Variants in TENM3 observed in about 807,000 individuals in gnomAD.
TENM3 encodes teneurin-3.
TENM3 carries 63 observed loss-of-function variants against 255.1 expected under a neutral mutation model. The ratio of observed to expected loss-of-function variants is 0.25; its 90% CI spans 0.20 to 0.30. The LOEUF (loss-of-function observed/expected upper bound fraction) is 0.30, where lower values mean the gene tolerates loss of function less well. TENM3 is among the 10% of genes least tolerant of loss of function. TENM3 has a pLI of 1.00. For missense variants in TENM3, 2,929 were observed against 3,461.1 expected, an observed-to-expected ratio of 0.85 and a Z score of 3.86; for synonymous variants, 1,306 against 1,322.3, an observed-to-expected ratio of 0.99 and a Z score of 0.27.
chr4:182,474,992 A>G (rs898331563), intron 3 of TENM3, among the ~76,000 whole-genome samples: 1 of 152,136 alleles, frequency 6.6e-6, no homozygotes, highest in African/African-American at 2.4e-5. Flanking sequence ...CAGCTCTTCA[A>G]AAGAGTTGAT....
the TENM3 span, among the ~76,000 whole-genome samples, chr4:181,470,116 A>AAAAC: frequency 7.1e-5 from 9 of 126,244 alleles, no homozygotes; most frequent in Non-Finnish European, 1.4e-4. Context: ...TGTAAAAAAA[A>AAAAC]AAAAAAAAAC....
chr4:181,555,208 T>C, the TENM3 span, among the ~76,000 whole-genome samples: 1 of 152,318 alleles, frequency 6.6e-6, no homozygotes, highest in East Asian at 1.9e-4. Flanking sequence ...GTAGATACTA[T>C]TATTTTCTTC....
At chr4:181,877,693 A>T in the TENM3 span, among the ~76,000 whole-genome samples, 1 of 152,148 alleles carries the variant, frequency 6.6e-6, no homozygotes, top group East Asian at 1.9e-4. Context: ...CAGCACCTGG[A>T]GCTCCAGTCA....
intron 6 of TENM3, among the ~76,000 whole-genome samples, chr4:182,670,404 G>A (rs938246731): frequency 6.6e-6 from 1 of 152,146 alleles, no homozygotes; most frequent in Admixed American, 6.5e-5. Context: ...TATAAATAAT[G>A]CCTTTTTATT....
chr4:181,854,640 T>C, the TENM3 span, among the ~76,000 whole-genome samples: 1 of 152,250 alleles, frequency 6.6e-6, no homozygotes, highest in Non-Finnish European at 1.5e-5. Flanking sequence ...TGCCTTTGTC[T>C]GAGACTTGGT....
chr4:182,004,229 C>A, the TENM3 span, among the ~76,000 whole-genome samples: 1 of 152,144 alleles, frequency 6.6e-6, no homozygotes, highest in Admixed American at 6.5e-5. Context: ...CCCCCAACCC[C>A]CCAACAAGCC....
the TENM3 span, among the ~76,000 whole-genome samples, chr4:181,676,704 AAGG>A: frequency 6.6e-6 from 1 of 152,174 alleles, no homozygotes; most frequent in East Asian, 1.9e-4. Context: ...TTCAAAATGA[AAGG>A]AGATTATTTA....
chr4:181,878,734 A>T, the TENM3 span, among the ~76,000 whole-genome samples: 1 of 151,930 alleles, frequency 6.6e-6, no homozygotes, highest in African/African-American at 2.4e-5. Context: ...TCATCTATCT[A>T]TCATCTTCCC....
intron 3 of TENM3, among the ~76,000 whole-genome samples, chr4:182,428,190 A>G (rs1488636618): frequency 6.6e-6 from 1 of 152,186 alleles, no homozygotes; most frequent in Non-Finnish European, 1.5e-5. Flanking sequence ...TTTGGAAAGT[A>G]AAGATTTAGA....
chr4:182,507,303 A>G (rs916341591), intron 3 of TENM3, among the ~76,000 whole-genome samples: 3 of 152,226 alleles, frequency 2.0e-5, no homozygotes, highest in Non-Finnish European at 4.4e-5. Context: ...ATTAGGTCCC[A>G]TAATCTCTGA....
At chr4:182,165,980 G>T (rs779611205) in intron 1 of TENM3, among the ~76,000 whole-genome samples, 5 of 152,078 alleles carry the variant, frequency 3.3e-5, no homozygotes, top group Non-Finnish European at 7.4e-5. Context: ...GGGTTTCACC[G>T]CATTAGCCAG....
chr4:182,534,232 C>G (rs558254588), intron 3 of TENM3, among the ~76,000 whole-genome samples: 1 of 152,218 alleles, frequency 6.6e-6, no homozygotes, highest in African/African-American at 2.4e-5. Context: ...AGAGGGAGAA[C>G]CGACCCAGAA....
the TENM3 span, among the ~76,000 whole-genome samples, chr4:181,593,566 G>A: frequency 6.6e-6 from 1 of 152,170 alleles, no homozygotes; most frequent in Non-Finnish European, 1.5e-5. Context: ...GTAGTACATG[G>A]CACTGGATAA....
intron 3 of TENM3, among the ~76,000 whole-genome samples, chr4:182,557,846 GTC>G (rs1461759136): frequency 1.3e-5 from 2 of 152,102 alleles, no homozygotes; most frequent in Non-Finnish European, 2.9e-5. Context: ...TTACCTAGAT[GTC>G]TCTCTACCAT....
At chr4:181,751,049 C>A in the TENM3 span, among the ~76,000 whole-genome samples, 1 of 152,140 alleles carries the variant, frequency 6.6e-6, no homozygotes, top group Non-Finnish European at 1.5e-5. Context: ...GCTGCTTGTT[C>A]AAACTGGCCA....
At chr4:181,563,392 G>A in the TENM3 span, among the ~76,000 whole-genome samples, 1 of 152,128 alleles carries the variant, frequency 6.6e-6, no homozygotes, top group African/African-American at 2.4e-5. Context: ...GGGACACCAG[G>A]CATTTTGGAT....
At chr4:181,839,375 A>C in the TENM3 span, among the ~76,000 whole-genome samples, 2 of 49,794 alleles carry the variant, frequency 4.0e-5, no homozygotes, top group African/African-American at 6.3e-5. Flanking sequence ...ATATATATAT[A>C]TATATATATA....
At chr4:181,605,569 AGAG>A in the TENM3 span, among the ~76,000 whole-genome samples, 1 of 53,202 alleles carries the variant, frequency 1.9e-5, no homozygotes, top group Non-Finnish European at 3.9e-5. Flanking sequence ...AAAGAAAGAA[AGAG>A]AGAGAAAGAA....
the TENM3 span, among the ~76,000 whole-genome samples, chr4:181,715,731 A>C: frequency 1.3e-5 from 2 of 152,228 alleles, no homozygotes; most frequent in Non-Finnish European, 2.9e-5. Flanking sequence ...TCATTGGGAC[A>C]ACAAAAATGT....
Sources: gnomAD v4.1 joint callset for allele counts (sites outside exome capture counted in the v4.1 genomes callset) on GRCh38, gnomAD v4.1.1 for gene constraint, MANE v1.5 for transcripts, NCBI Gene and HGNC (gene_info 2026-07-23, HGNC 2026-07-21) for gene names.